RABGAP1L: variants seen among roughly 807,000 people sequenced by gnomAD.
RABGAP1L encodes RAB GTPase activating protein 1 like.
A neutral mutation model predicts 137.7 loss-of-function variants in RABGAP1L; 63 were observed. The observed-to-expected ratio is 0.46, with a 90% CI of 0.37 to 0.56. The LOEUF (loss-of-function observed/expected upper bound fraction) is 0.56, where lower values mean the gene tolerates loss of function less well. RABGAP1L is among the 20% of genes least tolerant of loss of function. The probability of loss-of-function intolerance (pLI) is 0.00; values close to 1 mark genes in which losing one functional copy is unlikely to be tolerated. For synonymous variants in RABGAP1L, 431 were observed against 433.7 expected, an observed-to-expected ratio of 0.99 and a Z score of 0.08; for missense variants, 1,095 against 1,244.0, an observed-to-expected ratio of 0.88 and a Z score of 1.80.
chr1:174,660,815 CTT>C (rs1676322888), intron 14 of RABGAP1L, among the ~76,000 whole-genome samples: 2 of 152,208 alleles, frequency 1.3e-5, no homozygotes, highest in African/African-American at 4.8e-5. Flanking sequence ...CTTAACCACT[CTT>C]TTAAATTGGA....
At position 174,994,812 on chromosome 1, in the gene RABGAP1L, C is replaced by G. The variant is rs1424692045; in HGVS notation, c.*4811C>G. ...TCAGTCAGCCCCACTTCCTTTCTTT[C>G]TAACTCCTACCTTTCCCTTGCAGAG... is the stretch of plus-strand genomic sequence containing the variant. On this transcript the variant is annotated 3_prime_UTR_variant, in exon 26 of 26. Coordinates refer to ENST00000681986, the MANE Select transcript of RABGAP1L (RefSeq NM_001366446.1). 2 of 152,234 alleles carry G rather than the reference C, an allele frequency of 1.3e-5. No homozygotes were observed. The highest frequency in any genetic ancestry group is 6.5e-5 in the Admixed American group (1 of 15,284). 9.4% of individuals were successfully genotyped at this position (152,234 alleles called of 1,614,324 possible).
chr1:174,861,346 C>G (rs1002656469), intron 19 of RABGAP1L, among the ~76,000 whole-genome samples: 1 of 151,926 alleles, frequency 6.6e-6, no homozygotes, highest in Admixed American at 6.6e-5. Flanking sequence ...TTTTTTGTAT[C>G]CATTCATCCA....
intron 10 of RABGAP1L, among the ~76,000 whole-genome samples, chr1:174,302,652 G>T (rs74958686): frequency 1.3e-5 from 2 of 152,302 alleles, no homozygotes; most frequent in African/African-American, 4.8e-5. Context: ...GGAGTTAGCT[G>T]TTCTCAGAAG....
At chr1:174,529,569 G>A (rs1204268540) in intron 13 of RABGAP1L, among the ~76,000 whole-genome samples, 2 of 151,994 alleles carry the variant, frequency 1.3e-5, no homozygotes, top group African/African-American at 4.8e-5. Context: ...GGGCCTCAGA[G>A]TTGCATACAC....
At chr1:174,420,883 G>T (rs184007816) in intron 13 of RABGAP1L, among the ~76,000 whole-genome samples, 5 of 151,978 alleles carry the variant, frequency 3.3e-5, no homozygotes, top group Non-Finnish European at 4.4e-5. Flanking sequence ...CACCGTGTTC[G>T]CCAGGATGGT....
At chr1:174,270,276 A>G (rs903589139) in intron 7 of RABGAP1L, among the ~76,000 whole-genome samples, 24 of 152,064 alleles carry the variant, frequency 1.6e-4, no homozygotes, top group African/African-American at 5.6e-4. Context: ...CTACTTAAGA[A>G]AAATCCAAAC....
At chr1:174,391,185 C>G (rs1484390515) in intron 12 of RABGAP1L, among the ~76,000 whole-genome samples, 2 of 152,032 alleles carry the variant, frequency 1.3e-5, no homozygotes, top group East Asian at 3.9e-4. Context: ...GATGCAGAAG[C>G]CATGTTGAAC....
At chr1:174,394,738 T>G (rs1647606381) in intron 13 of RABGAP1L, among the ~76,000 whole-genome samples, 1 of 152,066 alleles carries the variant, frequency 6.6e-6, no homozygotes, top group African/African-American at 2.4e-5. Context: ...AGTACTGTAT[T>G]TTAAAATAAT....
At chr1:174,161,814 G>A (rs1175264257) in intron 1 of RABGAP1L, among the ~76,000 whole-genome samples, 1 of 152,178 alleles carries the variant, frequency 6.6e-6, no homozygotes, top group East Asian at 1.9e-4. Context: ...CTGCAGCCAC[G>A]AAGTTCTGGT....
At chr1:174,832,893 G>C (rs1692264899) in intron 19 of RABGAP1L, among the ~76,000 whole-genome samples, 1 of 152,140 alleles carries the variant, frequency 6.6e-6, no homozygotes, top group Non-Finnish European at 1.5e-5. Flanking sequence ...ATAATGTCCT[G>C]CTTCCTTGTA....
chr1:174,927,708 C>G (rs1162695978), intron 19 of RABGAP1L, among the ~76,000 whole-genome samples: 3 of 152,214 alleles, frequency 2.0e-5, no homozygotes, highest in Non-Finnish European at 4.4e-5. Flanking sequence ...CACACCACCA[C>G]AGCTGGATGA....
chr1:174,762,807 C>CT (rs71563260), intron 18 of RABGAP1L, among the ~76,000 whole-genome samples: 5,388 of 81,838 alleles, frequency 0.066, 276 homozygotes, highest in African/African-American at 0.097. Flanking sequence ...GTCTCCTTTG[C>CT]TTTTTTTTTT....
At chr1:174,335,026 G>A (rs1681355599) in intron 11 of RABGAP1L, among the ~76,000 whole-genome samples, 1 of 151,870 alleles carries the variant, frequency 6.6e-6, no homozygotes, top group African/African-American at 2.4e-5. Flanking sequence ...ATTCTTAACA[G>A]TTTTTCACTA....
intron 13 of RABGAP1L, among the ~76,000 whole-genome samples, chr1:174,455,926 T>A (rs968389094): frequency 1.4e-4 from 21 of 152,156 alleles, no homozygotes; most frequent in African/African-American, 5.1e-4. Flanking sequence ...TTGACAAAGA[T>A]ACTACTGACG....
chr1:174,400,694 C>T (rs1648466940), intron 13 of RABGAP1L, among the ~76,000 whole-genome samples: 1 of 152,042 alleles, frequency 6.6e-6, no homozygotes, highest in Non-Finnish European at 1.5e-5. Flanking sequence ...GGTGAACTAA[C>T]CTCTTCTCTT....
At chr1:174,225,746 G>A (rs1670121551) in intron 3 of RABGAP1L, among the ~76,000 whole-genome samples, 1 of 151,998 alleles carries the variant, frequency 6.6e-6, no homozygotes, top group African/African-American at 2.4e-5. Flanking sequence ...TTCTACCCCT[G>A]TGTTAGAAAG....
intron 14 of RABGAP1L, among the ~76,000 whole-genome samples, chr1:174,652,522 C>T (rs1015468061): frequency 1.3e-5 from 2 of 152,070 alleles, no homozygotes; most frequent in Non-Finnish European, 2.9e-5. Context: ...GATGCTGTTC[C>T]TTTCTGTTTG....
chr1:174,774,231 G>T (rs551663487), intron 18 of RABGAP1L, among the ~76,000 whole-genome samples: 21 of 152,132 alleles, frequency 1.4e-4, no homozygotes, highest in Non-Finnish European at 7.4e-5. Flanking sequence ...AGAGAATTTG[G>T]TTTTGGTAAA....
At chr1:174,927,738 A>G (rs977277858) in intron 19 of RABGAP1L, among the ~76,000 whole-genome samples, 2 of 152,312 alleles carry the variant, frequency 1.3e-5, no homozygotes, top group East Asian at 3.9e-4. Context: ...TTTTAAAATA[A>G]TATTTTAAAT....
Sources: allele counts gnomAD v4.1 joint callset (sites outside exome capture counted in the v4.1 genomes callset), GRCh38; gene constraint gnomAD v4.1.1; transcripts MANE v1.5; gene names NCBI Gene and HGNC (gene_info 2026-07-23, HGNC 2026-07-21).